Variants in LPP observed in about 807,000 individuals in gnomAD.
The protein encoded by LPP is LIM domain containing preferred translocation partner in lipoma.
In LPP, 38 loss-of-function variants were observed where a neutral mutation model predicts 60.4. That is an observed-to-expected ratio of 0.63 (90% CI 0.49 to 0.83). LPP has a LOEUF of 0.83. Ranked by LOEUF, LPP falls within the 40% of genes least tolerant of loss-of-function variation. The probability of loss-of-function intolerance (pLI) is 0.00; values close to 1 mark genes in which losing one functional copy is unlikely to be tolerated. For synonymous variants in LPP, 328 were observed against 290.8 expected, an observed-to-expected ratio of 1.13 and a Z score of -1.30; for missense variants, 902 against 783.6, an observed-to-expected ratio of 1.15 and a Z score of -1.80.
chr3:188,791,437 T>C (rs898596771), intron 9 of LPP, among the ~76,000 whole-genome samples: 5 of 152,206 alleles, frequency 3.3e-5, no homozygotes, highest in African/African-American at 1.2e-4. Context: ...ATGTTTCTGT[T>C]TCTCTTGTTT....
chr3:188,311,191 T>G (rs973883006), intron 2 of LPP, among the ~76,000 whole-genome samples: 1 of 151,612 alleles, frequency 6.6e-6, no homozygotes, highest in Non-Finnish European at 1.5e-5. Context: ...TTATATGCTC[T>G]CTCTCTCTCT....
At position 188,866,255 on chromosome 3, in the gene LPP, G is replaced by A. The variant is rs374105476; in HGVS notation, c.1466G>A (p.Arg489Gln). ...AAGCCCATCATGGAGCGGATTCTCC[G>A]AGCCACCGGGAAGGCCTATCATCCT... ...CSKPIMERIL[R>Q]ATGKAYHPHC... The change falls in exon 10 of 12, where the codon CGA (arginine) becomes CAA (glutamine). Residue 489 changes from arginine to glutamine, a missense_variant. Arg to Gln is a conservative substitution (Grantham distance 43). Transcript: ENST00000617246. 2.8e-5 allele frequency: 45 copies of A among 1,583,724 alleles called. No individual in the cohort carries two copies. The highest frequency in any genetic ancestry group is 9.3e-5 in the East Asian group (4 of 42,790).
intron 9 of LPP, among the ~76,000 whole-genome samples, chr3:188,799,198 T>G (rs2151123845): frequency 6.6e-6 from 1 of 152,350 alleles, no homozygotes; most frequent in Non-Finnish European, 1.5e-5. Flanking sequence ...GTTGATAGTT[T>G]TACTCTCACA....
rs1231385075 is a variant in LPP at position 188,886,725 on chromosome 3, CACACACACACAT to C, written c.*12258_*12269del. 4.3e-4 allele frequency: 74 copies of C among 172,904 alleles called. No individual in the cohort carries two copies. The highest frequency in any genetic ancestry group is 3.2e-3 in the East Asian group (39 of 12,080). 10.7% of individuals were successfully genotyped at this position (172,904 alleles called of 1,614,324 possible). A position where few individuals can be genotyped will look rare whatever the true frequency, so the allele number is the denominator to read the frequency against. ...ACAATTGTATTGTCTTCAAAACACA[CACACACACACAT>C]ACACACACACACACACACACACACA... On this transcript the variant is annotated 3_prime_UTR_variant, in exon 12 of 12. Transcript: ENST00000617246.
intron 9 of LPP, among the ~76,000 whole-genome samples, chr3:188,777,938 AACT>A (rs1032716080): frequency 3.3e-5 from 5 of 152,210 alleles, no homozygotes; most frequent in African/African-American, 4.8e-5. Context: ...GCTAATACTC[AACT>A]ACGATTTGCA....
intron 7 of LPP, among the ~76,000 whole-genome samples, chr3:188,652,949 A>G (rs1852393729): frequency 6.6e-6 from 1 of 152,084 alleles, no homozygotes; most frequent in South Asian, 2.1e-4. Context: ...AGCTCCTCAC[A>G]CCTCAGTTCT....
chr3:188,396,989 G>T (rs1781102033), intron 3 of LPP, among the ~76,000 whole-genome samples: 1 of 152,186 alleles, frequency 6.6e-6, no homozygotes. Flanking sequence ...TTGCCACGTG[G>T]AACAATTGTT....
At position 188,287,397 on chromosome 3, in the gene LPP, A is replaced by G. The variant is rs377306271; in HGVS notation, c.-66-54266A>G. On this transcript the variant is annotated intron_variant, in intron 2 of 11. Coordinates refer to ENST00000617246, the MANE Select transcript of LPP (RefSeq NM_001375462.1). ...TAAGAAACTGAGGTCTGGCAAGGTC[A>G]CACATCGAGGAAATGGCAAAATCAA... Among the ~76,000 whole-genome samples the G allele has an allele frequency of 5.3e-5, 8 of 152,232 alleles. No homozygotes were observed. In the East Asian group the frequency reaches 9.6e-4, roughly 18 times the overall value.
At chr3:188,712,751 T>G (rs867884308) in intron 8 of LPP, 2 of 152,206 alleles carry the variant, frequency 1.3e-5, no homozygotes, top group African/African-American at 4.8e-5. Flanking sequence ...CTGAAGGTAA[T>G]TAAGTGCTTT....
At chr3:188,540,517 A>G (rs1824874758) in intron 6 of LPP, among the ~76,000 whole-genome samples, 1 of 152,202 alleles carries the variant, frequency 6.6e-6, no homozygotes, top group Non-Finnish European at 1.5e-5. Flanking sequence ...GATATATTAT[A>G]GTAATTAAAA....
chr3:188,744,412 C>T (rs1393716703), intron 8 of LPP, among the ~76,000 whole-genome samples: 1 of 152,142 alleles, frequency 6.6e-6, no homozygotes, highest in Non-Finnish European at 1.5e-5. Context: ...TGTCCCCTTC[C>T]CGCAACTGCA....
intron 4 of LPP, among the ~76,000 whole-genome samples, chr3:188,473,762 C>G (rs918943949): frequency 1.3e-5 from 2 of 152,140 alleles, no homozygotes; most frequent in South Asian, 2.1e-4. Context: ...TTAAATGTCT[C>G]TTTATACTCT....
At chr3:188,202,494 A>C (rs1261579649) in intron 1 of LPP, among the ~76,000 whole-genome samples, 1 of 152,206 alleles carries the variant, frequency 6.6e-6, no homozygotes. Context: ...TAGGGAGCAG[A>C]CTGTGTCGTC....
chr3:188,600,453 G>T (rs982183388), intron 6 of LPP, among the ~76,000 whole-genome samples: 2 of 151,384 alleles, frequency 1.3e-5, no homozygotes, highest in African/African-American at 4.8e-5. Context: ...ATAGATAGAT[G>T]CATTACTTAT....
chr3:188,866,102 G>C (rs1232786142), intron 9 of LPP, 98 bp from the exon 10 acceptor site: 1 of 960,810 alleles, frequency 1.0e-6, no homozygotes, highest in Non-Finnish European at 1.4e-6. Flanking sequence ...AGAGTGGTGT[G>C]ATAAGGACCT....
chr3:188,624,411 C>T (rs574090597), intron 7 of LPP, among the ~76,000 whole-genome samples: 3 of 152,290 alleles, frequency 2.0e-5, no homozygotes, highest in South Asian at 2.1e-4. Context: ...AAAACAAACA[C>T]GGCTTGAGAG....
chr3:188,585,603 C>T (rs554491154), intron 6 of LPP, among the ~76,000 whole-genome samples: 1 of 152,214 alleles, frequency 6.6e-6, no homozygotes, highest in African/African-American at 2.4e-5. Flanking sequence ...AAAGCTTAGA[C>T]ATACATACTG....
chr3:188,616,550 G>A (rs1167420815), intron 7 of LPP, among the ~76,000 whole-genome samples: 1 of 151,262 alleles, frequency 6.6e-6, no homozygotes, highest in Non-Finnish European at 1.5e-5. Context: ...TTTTGCTTGG[G>A]ATTGCCTTGT....
chr3:188,732,293 A>G (rs1196462514), intron 8 of LPP, among the ~76,000 whole-genome samples: 3 of 152,210 alleles, frequency 2.0e-5, no homozygotes, highest in African/African-American at 7.2e-5. Flanking sequence ...TGAAATGAAT[A>G]AAATTATTCT....
Sources: gnomAD v4.1 joint callset for allele counts (sites outside exome capture counted in the v4.1 genomes callset) on GRCh38, gnomAD v4.1.1 for gene constraint, MANE v1.5 for transcripts, NCBI Gene and HGNC (gene_info 2026-07-23, HGNC 2026-07-21) for gene names.